NYAP2: variants seen among roughly 807,000 people sequenced by gnomAD.
NYAP2 encodes neuronal tyrosine-phosphorylated phosphoinositide-3-kinase adaptor 2.
Under a neutral mutation model 50.4 loss-of-function variants are expected in NYAP2, and 23 were observed. The observed-to-expected ratio is 0.46, with a 90% CI of 0.33 to 0.65. The LOEUF is 0.65. Among genes scored for constraint, NYAP2 ranks in the 30% least tolerant of loss-of-function variants. NYAP2 has a pLI of 0.02. For synonymous variants in NYAP2, 394 were observed against 365.2 expected, an observed-to-expected ratio of 1.08 and a Z score of -0.90; for missense variants, 885 against 861.0, an observed-to-expected ratio of 1.03 and a Z score of -0.35.
the NYAP2 span, among the ~76,000 whole-genome samples, chr2:225,680,700 G>C: frequency 6.6e-6 from 1 of 152,054 alleles, no homozygotes; most frequent in Non-Finnish European, 1.5e-5. Context: ...AATGCAATTA[G>C]ATTCCCTGCA....
intron 5 of NYAP2, among the ~76,000 whole-genome samples, chr2:225,596,139 C>A (rs997115881): frequency 6.6e-6 from 1 of 152,076 alleles, no homozygotes; most frequent in Admixed American, 6.6e-5. Context: ...TCAAGCAATC[C>A]TCCTGCATCA....
chr2:225,433,848 TAG>T (rs1689320222), intron 3 of NYAP2, among the ~76,000 whole-genome samples: 1 of 147,858 alleles, frequency 6.8e-6, no homozygotes, highest in South Asian at 2.1e-4. Flanking sequence ...AAAGAATTAT[TAG>T]AGTCAAGCAG....
intron 3 of NYAP2, among the ~76,000 whole-genome samples, chr2:225,459,005 C>A (rs1689782460): frequency 6.6e-6 from 1 of 152,124 alleles, no homozygotes; most frequent in African/African-American, 2.4e-5. Flanking sequence ...TTTCTAGTTT[C>A]TCTTTATTTT....
At chr2:225,531,329 T>C (rs1057123793) in intron 4 of NYAP2, among the ~76,000 whole-genome samples, 1 of 152,206 alleles carries the variant, frequency 6.6e-6, no homozygotes, top group Admixed American at 6.5e-5. Flanking sequence ...CTGCAACAAA[T>C]TTCCACTCAT....
intron 5 of NYAP2, among the ~76,000 whole-genome samples, chr2:225,615,283 A>G (rs1692969040): frequency 6.6e-6 from 1 of 152,170 alleles, no homozygotes; most frequent in Non-Finnish European, 1.5e-5. Flanking sequence ...GAGTTCTCTG[A>G]GCAAATTGCC....
Position 225,582,434 on chromosome 2 carries a change from T to TTCC in NYAP2, c.1017_1018insTCC (p.Phe339_Pro340insSer). ...CTCACAGACCCCCGCTGCTGGTATT[T>TTCC]CCCCCCGCCCCCGTGCATTGCTCCC... On this transcript the variant is annotated inframe_insertion, in exon 5 of 7. Transcript: ENST00000636099. This position sits in a 1 kb window ranked among gnomAD's most constrained non-coding sequence, Gnocchi z 7.0. The TTCC allele has an allele frequency of 6.4e-7, 1 of 1,564,568 alleles. No individual in the cohort carries two copies. Among genetic ancestry groups the TTCC allele is most frequent in the East Asian group, 2.3e-5 (1 of 43,558 alleles).
chr2:225,582,920 C>T lies in NYAP2; in HGVS notation c.1503C>T (p.Gly501=). The T allele has an allele frequency of 2.5e-6, 4 of 1,613,014 alleles. No homozygotes were observed. The highest frequency in any genetic ancestry group is 3.4e-6 in the Non-Finnish European group (4 of 1,179,850). The change falls in exon 5 of 7, where the codon GGC becomes GGT. Residue 501 remains glycine, a synonymous_variant. Transcript: ENST00000636099. The surrounding 1 kb of genome is among the most constrained non-coding windows in gnomAD (Gnocchi z 7.0). ...ACACCTACGGGGCAGCCCCGGGTGGCTCCCGGTCCCGGACACCCACGAGCC... is the reference window on the plus strand; with the variant it reads ...ACACCTACGGGGCAGCCCCGGGTGGTTCCCGGTCCCGGACACCCACGAGCC...
At chr2:225,646,895 G>C (rs1476131757) in intron 6 of NYAP2, among the ~76,000 whole-genome samples, 2 of 152,128 alleles carry the variant, frequency 1.3e-5, no homozygotes, top group African/African-American at 4.8e-5. Context: ...GACGTTTCCA[G>C]GTCACGGTGA....
chr2:225,539,089 T>C (rs1559208819), intron 4 of NYAP2, among the ~76,000 whole-genome samples: 1 of 152,126 alleles, frequency 6.6e-6, no homozygotes, highest in Non-Finnish European at 1.5e-5. Context: ...AGTGAGAACA[T>C]GTGGTGTTTA....
chr2:225,511,365 C>CAG (rs1323922321), intron 3 of NYAP2, among the ~76,000 whole-genome samples: 1 of 141,434 alleles, frequency 7.1e-6, no homozygotes, highest in South Asian at 2.3e-4. Flanking sequence ...CACACACACA[C>CAG]ACACACACAG....
intron 4 of NYAP2, among the ~76,000 whole-genome samples, chr2:225,562,966 C>G (rs77826606): frequency 0.022 from 3,386 of 152,204 alleles, 127 homozygotes; most frequent in African/African-American, 0.076. Flanking sequence ...GAGACAAGAT[C>G]TCCCCACTTA....
the NYAP2 span, chr2:225,700,627 T>G: frequency 6.6e-6 from 1 of 151,856 alleles, no homozygotes; most frequent in Non-Finnish European, 1.5e-5. Context: ...TAAGTTATTA[T>G]GACCACATAT....
At chr2:225,586,427 G>C (rs920357481) in intron 5 of NYAP2, among the ~76,000 whole-genome samples, 1 of 152,122 alleles carries the variant, frequency 6.6e-6, no homozygotes, top group Non-Finnish European at 1.5e-5. Context: ...TAGGACACCT[G>C]ATAGTCTGTA....
At chr2:225,702,196 C>G in the NYAP2 span, 1 of 151,626 alleles carries the variant, frequency 6.6e-6, no homozygotes, top group Non-Finnish European at 1.5e-5. Flanking sequence ...GTGTCCCAAA[C>G]TTAAGTGGAA....
At chr2:225,562,457 G>C (rs987977742) in intron 4 of NYAP2, among the ~76,000 whole-genome samples, 3 of 151,998 alleles carry the variant, frequency 2.0e-5, no homozygotes, top group African/African-American at 7.2e-5. Flanking sequence ...TTATTTTCTG[G>C]TCTAAGTACT....
chr2:225,542,864 G>C (rs2106204899), intron 4 of NYAP2, among the ~76,000 whole-genome samples: 1 of 152,072 alleles, frequency 6.6e-6, no homozygotes, highest in South Asian at 2.1e-4. Context: ...TTAAATGTTT[G>C]GTAGAATTCA....
the NYAP2 span, among the ~76,000 whole-genome samples, chr2:225,685,946 C>T: frequency 6.6e-6 from 1 of 152,108 alleles, no homozygotes; most frequent in African/African-American, 2.4e-5. Context: ...AATTAAGTTA[C>T]AAATCAAGTC....
chr2:225,617,025 A>T (rs1311199010), intron 5 of NYAP2, among the ~76,000 whole-genome samples: 1 of 152,192 alleles, frequency 6.6e-6, no homozygotes, highest in African/African-American at 2.4e-5. Flanking sequence ...AGCATTCTTT[A>T]TGTCCACAGA....
At chr2:225,659,976 G>C in the NYAP2 span, among the ~76,000 whole-genome samples, 1 of 152,268 alleles carries the variant, frequency 6.6e-6, no homozygotes, top group African/African-American at 2.4e-5. Context: ...CTATCCCCAA[G>C]CTGGTATACA....
Sources: allele counts gnomAD v4.1 joint callset (sites outside exome capture counted in the v4.1 genomes callset), GRCh38; gene constraint gnomAD v4.1.1; non-coding constraint Gnocchi (gnomAD v3.1); transcripts MANE v1.5; gene names NCBI Gene and HGNC (gene_info 2026-07-23, HGNC 2026-07-21).